Variants in TRMT9B observed in about 807,000 individuals in gnomAD.
TRMT9B encodes the protein probable tRNA methyltransferase 9B.
In TRMT9B, 16 loss-of-function variants were observed where a neutral mutation model predicts 11.5. That is an observed-to-expected ratio of 1.39 (90% confidence interval 0.94 to 2.11). TRMT9B has a LOEUF of 2.11. TRMT9B is among the 30% of genes most tolerant of loss of function. TRMT9B has a pLI of 0.00. For synonymous variants in TRMT9B, 274 were observed against 192.4 expected (o/e 1.42, Z -3.51); for missense variants, 941 against 553.8 (o/e 1.70, Z -7.02).
At chr8:12,984,711 C>T (rs995247226) in intron 1 of TRMT9B, among the ~76,000 whole-genome samples, 1 of 152,248 alleles carries the variant, frequency 6.6e-6, no homozygotes, top group East Asian at 1.9e-4. Context: ...GCAGCCAATG[C>T]CTAGGGGAAG....
intron 1 of TRMT9B, among the ~76,000 whole-genome samples, chr8:12,978,382 C>A (rs900219798): frequency 6.6e-6 from 1 of 152,152 alleles, no homozygotes; most frequent in East Asian, 1.9e-4. Context: ...AACCTGGCAA[C>A]ATATTTTCCA....
chr8:12,957,542 A>G lies in TRMT9B; in HGVS notation c.-200+11576A>G, dbSNP rs576304794. Reference sequence around the variant, plus strand: ...GATGGTAATTCAATGACTTAATACAATTATGAAATAGATCTAGGGTGATCA... The same window carrying G: ...GATGGTAATTCAATGACTTAATACAGTTATGAAATAGATCTAGGGTGATCA... On this transcript the variant is annotated intron_variant, in intron 1 of 4. Transcript: ENST00000524591. 2.6e-5 allele frequency among the ~76,000 whole-genome samples: 4 copies of G among 152,322 alleles called. No homozygotes were observed. In the South Asian group the frequency reaches 8.3e-4, roughly 32 times the overall value.
intron 3 of TRMT9B, 156 bp downstream of exon 3, chr8:13,006,512 A>G: frequency 6.8e-7 from 1 of 1,463,932 alleles, no homozygotes; most frequent in Non-Finnish European, 9.0e-7. Context: ...AATACCTTCC[A>G]TTGAGCCTTT....
At chr8:13,011,275 C>T (rs755650666) in intron 3 of TRMT9B, 14 of 984,528 alleles carry the variant, frequency 1.4e-5, no homozygotes, top group Middle Eastern at 5.2e-4. Context: ...CATGAGCCAC[C>T]GCGCCAGACC....
chr8:13,008,765 G>T (rs1419247147), intron 3 of TRMT9B, among the ~76,000 whole-genome samples: 1 of 152,070 alleles, frequency 6.6e-6, no homozygotes, highest in Non-Finnish European at 1.5e-5. Flanking sequence ...GTCTTGCTCT[G>T]TTGCCCAGGC....
chr8:13,003,896 A>G (rs1461887583), intron 2 of TRMT9B, among the ~76,000 whole-genome samples: 1 of 150,976 alleles, frequency 6.6e-6, no homozygotes. Context: ...AAGGAAGCAC[A>G]GAAGAGGGTG....
chr8:12,981,936 C>T (rs2128873562), intron 1 of TRMT9B, among the ~76,000 whole-genome samples: 1 of 152,218 alleles, frequency 6.6e-6, no homozygotes, highest in South Asian at 2.1e-4. Context: ...ATAGTCAGTT[C>T]TTCATAAATT....
At chr8:12,976,846 A>G (rs1433849896) in intron 1 of TRMT9B, among the ~76,000 whole-genome samples, 1 of 152,142 alleles carries the variant, frequency 6.6e-6, no homozygotes, top group East Asian at 1.9e-4. Context: ...GCTGCCCAGC[A>G]TCAGCTCTGA....
At chr8:13,003,604 T>A (rs565813299) in intron 2 of TRMT9B, among the ~76,000 whole-genome samples, 2 of 151,918 alleles carry the variant, frequency 1.3e-5, no homozygotes, top group African/African-American at 4.8e-5. Flanking sequence ...AAATAACCCT[T>A]AAGAGGTCTG....
chr8:13,005,744 C>G (rs148959682), intron 2 of TRMT9B, among the ~76,000 whole-genome samples: 1 of 152,270 alleles, frequency 6.6e-6, no homozygotes, highest in Admixed American at 6.5e-5. Flanking sequence ...AAAAGCAGTA[C>G]TGATACAGAG....
intron 1 of TRMT9B, among the ~76,000 whole-genome samples, chr8:12,973,052 TC>T (rs770547279): frequency 2.0e-4 from 31 of 152,312 alleles, no homozygotes; most frequent in Admixed American, 4.6e-4. Flanking sequence ...AGCTGACTGT[TC>T]CAGGAACCTC....
At position 13,001,379 on chromosome 8, in the gene TRMT9B, G is replaced by A. The variant is rs892409170; in HGVS notation, c.-1-4823G>A. ...GCTCAGAAGCAGGTTCTCTTGGATC[G>A]ACAGTGATGAGCAACTCTGATGCGC... On this transcript the variant is annotated intron_variant, in intron 2 of 4. Coordinates refer to ENST00000524591, the MANE Select transcript of TRMT9B (RefSeq NM_020844.3). Among the ~76,000 whole-genome samples the A allele has an allele frequency of 9.2e-5, 14 of 152,304 alleles. No homozygotes were observed. The East Asian group carries it at 1.2e-3, about 13-fold the overall frequency.
intron 1 of TRMT9B, among the ~76,000 whole-genome samples, chr8:12,980,506 C>G (rs1408765533): frequency 6.6e-6 from 1 of 152,184 alleles, no homozygotes; most frequent in African/African-American, 2.4e-5. Flanking sequence ...GCAAAGCTCC[C>G]TGCTCCCGTG....
chr8:12,963,621 GC>G (rs1477684685), intron 1 of TRMT9B, among the ~76,000 whole-genome samples: 2 of 151,870 alleles, frequency 1.3e-5, no homozygotes, highest in Non-Finnish European at 1.5e-5. Context: ...GGTGGAGTGT[GC>G]CTGTAGTTCT....
chr8:12,969,084 G>A (rs149754926), intron 1 of TRMT9B, among the ~76,000 whole-genome samples: 3 of 152,258 alleles, frequency 2.0e-5, no homozygotes, highest in Admixed American at 6.5e-5. Flanking sequence ...GTGGTAGCAT[G>A]CACCTGTAAT....
At chr8:12,992,284 A>G (rs1052261061) in intron 2 of TRMT9B, among the ~76,000 whole-genome samples, 2 of 152,204 alleles carry the variant, frequency 1.3e-5, no homozygotes, top group Non-Finnish European at 2.9e-5. Context: ...ATTTGGGAAC[A>G]TATACAGAGT....
chr8:12,974,970 C>T (rs1804212320), intron 1 of TRMT9B, among the ~76,000 whole-genome samples: 1 of 149,700 alleles, frequency 6.7e-6, no homozygotes, highest in Admixed American at 6.7e-5. Context: ...TAAAAGGAAG[C>T]AGGGAAGTTA....
intron 1 of TRMT9B, chr8:12,952,059 A>G (rs13251099): frequency 3.1e-6 from 1 of 317,926 alleles, no homozygotes; most frequent in Non-Finnish European, 6.5e-6. Flanking sequence ...ACACTCTAAA[A>G]TAGGTCAAGG....
Position 13,028,105 on chromosome 8 carries a change from G to T in TRMT9B, c.*6061G>T, listed in dbSNP as rs1413283444. On this transcript the variant is annotated 3_prime_UTR_variant, in exon 5 of 5. Transcript: ENST00000524591. ...AATTGTTCTATTTTTAATTCCCCAG[G>T]GATCCTACGGTCTATGACACATTAA... The T allele has an allele frequency of 6.0e-6, 1 of 167,000 alleles. No homozygotes were observed. Among genetic ancestry groups the T allele is most frequent in the African/African-American group, 2.4e-5 (1 of 41,430 alleles). 10.3% of individuals were successfully genotyped at this position (167,000 alleles called of 1,614,324 possible).
Sources: allele counts gnomAD v4.1 joint callset (sites outside exome capture counted in the v4.1 genomes callset), GRCh38; gene constraint gnomAD v4.1.1; transcripts MANE v1.5; gene names NCBI Gene and HGNC (gene_info 2026-07-23, HGNC 2026-07-21).